Variants in OR51E2 observed in about 807,000 individuals in gnomAD.
OR51E2 encodes the protein olfactory receptor 51E2.
Under a neutral mutation model 13.7 loss-of-function variants are expected in OR51E2, and 14 were observed. The observed-to-expected ratio is 1.02, with a 90% confidence interval of 0.68 to 1.60. The LOEUF (loss-of-function observed/expected upper bound fraction) is 1.60. Ranked by LOEUF, OR51E2 falls within the 40% of genes most tolerant of loss-of-function variation. The pLI is 0.00. For synonymous variants in OR51E2, 180 were observed against 157.6 expected, an observed-to-expected ratio of 1.14 and a Z score of -1.07; for missense variants, 483 against 413.8, an observed-to-expected ratio of 1.17 and a Z score of -1.45.
Position 4,681,977 on chromosome 11 carries a change from A to G in OR51E2, c.735T>C (p.Gly245=), listed in dbSNP as rs141211692. Residue 245 remains glycine (G), a synonymous_variant, in exon 2 of 2, where the codon GGT becomes GGC. Transcript: ENST00000396950. ...KAFGTCVSHI[G]VVLAFYVPLI... ...GTGGCACATAGAAGGCGAGTACCAC[A>G]CCAATGTGTGACACACAGGTTCCAA... 1.4e-3 allele frequency: 2,221 copies of G among 1,614,108 alleles called. 3 individuals are homozygous for G. Among genetic ancestry groups the G allele is most frequent in the Non-Finnish European group, 1.8e-3 (2,085 of 1,180,046 alleles).
rs1236304902 is a variant in OR51E2 at position 4,681,724 on chromosome 11, A to G, written c.*25T>C. 1.9e-6 allele frequency: 3 copies of G among 1,608,116 alleles called. No individual in the cohort carries two copies. Among genetic ancestry groups the G allele is most frequent in the East Asian group, 2.2e-5 (1 of 44,744 alleles). On this transcript the variant is annotated 3_prime_UTR_variant, in exon 2 of 2. Transcript: ENST00000396950. ...AATTATGTTTATCAAGCCAATAAAG[A>G]TAAGGAGAAGTGTAGTGTTAAGGGT... is the stretch of plus-strand genomic sequence containing the variant.
At chr11:4,696,310 G>A (rs779664850) in intron 1 of OR51E2, among the ~76,000 whole-genome samples, 3 of 151,942 alleles carry the variant, frequency 2.0e-5, no homozygotes, top group Admixed American at 6.6e-5. Context: ...ATCAGCAAAC[G>A]ACATCGAACT....
chr11:4,683,910 A>G (rs763884589), intron 1 of OR51E2, among the ~76,000 whole-genome samples: 3 of 152,226 alleles, frequency 2.0e-5, no homozygotes, highest in Non-Finnish European at 4.4e-5. Flanking sequence ...GAAACAAATG[A>G]TGCAGTGTCT....
chr11:4,686,479 T>A (rs1169717789), intron 1 of OR51E2, among the ~76,000 whole-genome samples: 2 of 152,154 alleles, frequency 1.3e-5, no homozygotes, highest in African/African-American at 4.8e-5. Context: ...AATAAATGGT[T>A]TTAAGCAGGG....
intron 1 of OR51E2, among the ~76,000 whole-genome samples, chr11:4,694,921 G>A (rs1477483427): frequency 6.6e-6 from 1 of 152,088 alleles, no homozygotes; most frequent in Non-Finnish European, 1.5e-5. Context: ...GGGTAAATGT[G>A]AGTTTATAAG....
rs761323934 is a variant in OR51E2 at position 4,682,080 on chromosome 11, A to G, written c.632T>C (p.Met211Thr). 2 of 1,614,228 alleles carry G rather than the reference A, an allele frequency of 1.2e-6. No homozygotes were observed. The highest frequency in any genetic ancestry group is 1.1e-5 in the South Asian group (1 of 91,086). ...CAGAAAATAGGACAAGGAGATGAAC[A>G]TTACGTCCACGCCCATGACCAGCAG... ...AILLVMGVDV[M>T]FISLSYFLII... The change falls in exon 2 of 2, where the codon ATG (methionine) becomes ACG (threonine). Residue 211 changes from methionine to threonine, a missense_variant. Met to Thr is a moderately conservative substitution (Grantham distance 81). Coordinates refer to ENST00000396950, the MANE Select transcript of OR51E2 (RefSeq NM_030774.4).
chr11:4,682,618 A>G lies in OR51E2; in HGVS notation c.94T>C (p.Ser32Pro), dbSNP rs148831989. ...CCAAACATTGCCACTACATACATGG[A>G]AAGGAGGGGGAAGCCAACCCAGAAA... ...AHFWVGFPLL[S>P]MYVVAMFGNC... The change falls in exon 2 of 2, where the codon TCC becomes CCC. Residue 32 changes from serine (S) to proline (P), a missense_variant. Coordinates refer to ENST00000396950, the MANE Select transcript of OR51E2 (RefSeq NM_030774.4). 4.8e-4 allele frequency: 778 copies of G among 1,614,192 alleles called. 1 individual carries two copies. The highest frequency in any genetic ancestry group is 1.2e-3 in the Middle Eastern group (7 of 6,062).
rs1278405825 is a variant in OR51E2 at position 4,681,728 on chromosome 11, G to A, written c.*21C>T. The A allele has an allele frequency of 1.9e-6, 3 of 1,608,858 alleles. No homozygotes were observed. The highest frequency in any genetic ancestry group is 1.1e-5 in the South Asian group (1 of 90,970). On this transcript the variant is annotated 3_prime_UTR_variant, in exon 2 of 2. Transcript: ENST00000396950. ...ATGTTTATCAAGCCAATAAAGATAA[G>A]GAGAAGTGTAGTGTTAAGGGTCACT...
rs541680099 is a variant in OR51E2, at chr11:4,681,566, A to G, written c.*183T>C. On this transcript the variant is annotated 3_prime_UTR_variant, in exon 2 of 2. Coordinates refer to ENST00000396950, the MANE Select transcript of OR51E2 (RefSeq NM_030774.4). Reference sequence around the variant, plus strand: ...TTTTATTGTAGTCTTTAAATCATGTAATACTTCATTAGTATGTATTATTCC... The same window carrying G: ...TTTTATTGTAGTCTTTAAATCATGTGATACTTCATTAGTATGTATTATTCC... 1.3e-4 allele frequency: 83 copies of G among 621,910 alleles called. No homozygotes were observed. In the Admixed American group the frequency reaches 1.4e-3, roughly 10 times the overall value. 38.5% of individuals were successfully genotyped at this position (621,910 alleles called of 1,614,324 possible).
At chr11:4,682,783 T>G (rs1371217723) in intron 1 of OR51E2, 22 bp from the exon 2 acceptor site, 2 of 1,517,324 alleles carry the variant, frequency 1.3e-6, no homozygotes, top group Non-Finnish European at 1.8e-6. Context: ...TAGAGCACAA[T>G]CAGAGAATGC....
At chr11:4,683,616 T>G (rs944481721) in intron 1 of OR51E2, among the ~76,000 whole-genome samples, 2 of 152,194 alleles carry the variant, frequency 1.3e-5, no homozygotes, top group Non-Finnish European at 2.9e-5. Flanking sequence ...CATCCAAGGA[T>G]AGTTTGAGTT....
At chr11:4,697,133 A>G (rs1564889005) in intron 1 of OR51E2, among the ~76,000 whole-genome samples, 2 of 152,234 alleles carry the variant, frequency 1.3e-5, no homozygotes, top group African/African-American at 2.4e-5. Context: ...AGTCTGAAAC[A>G]TATTTGAAAT....
intron 1 of OR51E2, chr11:4,691,092 G>T (rs1353834003): frequency 2.2e-6 from 1 of 456,634 alleles, no homozygotes; most frequent in African/African-American, 2.0e-5. Context: ...AGAGAACATG[G>T]CAGTCAGCCC....
At chr11:4,692,872 G>GGGTGT (rs1847603684) in intron 1 of OR51E2, among the ~76,000 whole-genome samples, 1 of 151,472 alleles carries the variant, frequency 6.6e-6, no homozygotes, top group East Asian at 1.9e-4. Context: ...GGGGGGGTGG[G>GGGTGT]GGTGTGATTT....
chr11:4,689,632 T>C (rs1222906083), intron 1 of OR51E2, among the ~76,000 whole-genome samples: 3 of 152,096 alleles, frequency 2.0e-5, no homozygotes, highest in Non-Finnish European at 4.4e-5. Flanking sequence ...ACACCCAGGG[T>C]GGAATGAATT....
Position 4,691,197 on chromosome 11 carries a change from G to A in OR51E2, c.-51+6456C>T. 2 of 456,792 alleles carry A rather than the reference G, an allele frequency of 4.4e-6. 1 individual carries two copies. The highest frequency in any genetic ancestry group is 3.1e-5 in the South Asian group (2 of 64,550). The allele number at this position is 456,792 out of a possible 1,614,324, so 28.3% of individuals were successfully genotyped here. A position where few individuals can be genotyped will look rare whatever the true frequency, so the allele number is the denominator to read the frequency against. ...GTGGAGTACTTGGCTGTGGCAGTAG[G>A]AAAGTCTTATAAGAAGTGCTACCAT... On this transcript the variant is annotated intron_variant, in intron 1 of 1. Transcript: ENST00000396950.
At chr11:4,687,749 T>G (rs1589873336) in intron 1 of OR51E2, among the ~76,000 whole-genome samples, 1 of 151,916 alleles carries the variant, frequency 6.6e-6, no homozygotes, top group East Asian at 1.9e-4. Context: ...CAAGAGAGTT[T>G]GGAAAGAGTT....
intron 1 of OR51E2, among the ~76,000 whole-genome samples, chr11:4,697,019 A>T (rs953720017): frequency 2.6e-5 from 4 of 152,212 alleles, no homozygotes; most frequent in African/African-American, 9.6e-5. Flanking sequence ...TATTGTCCTC[A>T]GTGCTTTATA....
chr11:4,693,459 C>A (rs529848806), intron 1 of OR51E2, among the ~76,000 whole-genome samples: 2 of 152,136 alleles, frequency 1.3e-5, no homozygotes, highest in East Asian at 3.9e-4. Flanking sequence ...CGGTGGCTCA[C>A]GCCTGTAGTC....
Sources: gnomAD v4.1 joint callset for allele counts (sites outside exome capture counted in the v4.1 genomes callset) on GRCh38, gnomAD v4.1.1 for gene constraint, MANE v1.5 for transcripts, NCBI Gene and HGNC (gene_info 2026-07-23, HGNC 2026-07-21) for gene names.